PRKG1: variants seen among roughly 807,000 people sequenced by gnomAD.
PRKG1 encodes the protein protein kinase cGMP-dependent 1.
Under a neutral mutation model 88.1 loss-of-function variants are expected in PRKG1, and 35 were observed. The observed-to-expected ratio is 0.40, with a 90% CI of 0.30 to 0.53. PRKG1 has a LOEUF of 0.53. PRKG1 is among the 20% of genes least tolerant of loss of function. The pLI, the probability that PRKG1 is intolerant of heterozygous loss-of-function variation, is 0.59. For missense variants in PRKG1, 540 were observed against 839.8 expected (o/e 0.64, Z 4.41); for synonymous variants, 303 against 292.5 (o/e 1.04, Z -0.37).
intron 5 of PRKG1, among the ~76,000 whole-genome samples, chr10:51,959,405 A>T (rs1843391867): frequency 6.6e-6 from 1 of 152,160 alleles, no homozygotes; most frequent in East Asian, 1.9e-4. Flanking sequence ...GATAGTTCTA[A>T]TAATATTGAG....
intron 1 of PRKG1, among the ~76,000 whole-genome samples, chr10:51,137,178 C>T (rs919461249): frequency 6.6e-6 from 1 of 152,044 alleles, no homozygotes; most frequent in African/African-American, 2.4e-5. Context: ...AGTACCGCAC[C>T]CGGCCTAATT....
chr10:51,829,872 G>A (rs1839961283), intron 4 of PRKG1, among the ~76,000 whole-genome samples: 1 of 152,138 alleles, frequency 6.6e-6, no homozygotes, highest in Non-Finnish European at 1.5e-5. Flanking sequence ...TTCCAACAAG[G>A]CCAGGGGAAG....
intron 2 of PRKG1, among the ~76,000 whole-genome samples, chr10:51,187,926 A>G (rs1353479091): frequency 6.6e-6 from 1 of 152,064 alleles, no homozygotes; most frequent in African/African-American, 2.4e-5. Context: ...ATGAGACAAA[A>G]GTTACTCTGC....
chr10:52,250,044 TTGCCGCTAGCCCTTTCAA>T (rs1313124474), intron 9 of PRKG1, among the ~76,000 whole-genome samples: 17 of 152,300 alleles, frequency 1.1e-4, no homozygotes, highest in African/African-American at 4.1e-4. Flanking sequence ...GGAGTCAACT[TTGCCGCTAGCCCTTTCAA>T]TGGGATGGAG....
At chr10:51,064,806 T>C (rs1843730131) in intron 1 of PRKG1, among the ~76,000 whole-genome samples, 1 of 152,090 alleles carries the variant, frequency 6.6e-6, no homozygotes, top group Non-Finnish European at 1.5e-5. Flanking sequence ...TCCCAAAGGT[T>C]AGCACTTTCA....
chr10:51,790,125 A>G (rs985297965), intron 3 of PRKG1, among the ~76,000 whole-genome samples: 1 of 152,168 alleles, frequency 6.6e-6, no homozygotes, highest in Non-Finnish European at 1.5e-5. Flanking sequence ...ACCCAGCCTC[A>G]GTCATTCTTT....
At chr10:51,045,000 G>A (rs995814305) in intron 1 of PRKG1, among the ~76,000 whole-genome samples, 1 of 152,162 alleles carries the variant, frequency 6.6e-6, no homozygotes, top group Non-Finnish European at 1.5e-5. Context: ...TTTAGTGCAT[G>A]TATTTGGTAG....
intron 5 of PRKG1, among the ~76,000 whole-genome samples, chr10:52,039,026 T>C (rs1429623290): frequency 1.3e-5 from 2 of 152,150 alleles, no homozygotes; most frequent in African/African-American, 4.8e-5. Flanking sequence ...AGGTCGTAGG[T>C]GGATCTTTCT....
In PRKG1 at chr10:52,217,352, C is replaced by A. The variant is rs550241999; in HGVS notation, c.1077-34218C>A. ...CGTACACATTTATATATCTATCTAT[C>A]TATATATATATATACACATATACAC... On this transcript the variant is annotated intron_variant, in intron 9 of 17. Transcript: ENST00000373980. Among the ~76,000 whole-genome samples the A allele has an allele frequency of 1.4e-3, 206 of 150,034 alleles. 2 individuals are homozygous for A. Among genetic ancestry groups the A allele is most frequent in the African/African-American group, 4.8e-3 (194 of 40,750 alleles).
chr10:51,266,891 AT>A (rs1469195032), intron 2 of PRKG1, among the ~76,000 whole-genome samples: 2 of 152,004 alleles, frequency 1.3e-5, no homozygotes, highest in African/African-American at 4.8e-5. Flanking sequence ...TAGTTATAAC[AT>A]TTCTTATAGG....
upstream of PRKG1, among the ~76,000 whole-genome samples, chr10:51,070,876 G>A (rs920685881): frequency 3.3e-5 from 5 of 152,184 alleles, no homozygotes; most frequent in African/African-American, 1.2e-4. Flanking sequence ...AACAGGTTGT[G>A]AGTTGTTTCT....
At chr10:51,434,232 C>T (rs1365762865) in intron 2 of PRKG1, among the ~76,000 whole-genome samples, 2 of 152,128 alleles carry the variant, frequency 1.3e-5, no homozygotes, top group Admixed American at 1.3e-4. Context: ...GTATCACAGG[C>T]TGCAAGCAAC....
chr10:51,406,877 G>C (rs144802701), intron 2 of PRKG1, among the ~76,000 whole-genome samples: 1 of 152,258 alleles, frequency 6.6e-6, no homozygotes, highest in African/African-American at 2.4e-5. Flanking sequence ...TAACTCACAC[G>C]ATCAGAAGGT....
intron 9 of PRKG1, among the ~76,000 whole-genome samples, chr10:52,232,316 A>AAAAAAAC (rs1187753285): frequency 6.6e-6 from 1 of 152,064 alleles, no homozygotes; most frequent in Non-Finnish European, 1.5e-5. Flanking sequence ...GAAAACAAAC[A>AAAAAAAC]AAAAAACAAA....
Position 51,956,732 on chromosome 10 carries a change from C to T in PRKG1, c.762+49162C>T, listed in dbSNP as rs190735421. Among the ~76,000 whole-genome samples the T allele has an allele frequency of 3.4e-3, 519 of 150,916 alleles. 5 individuals carry two copies. Among genetic ancestry groups the T allele is most frequent in the African/African-American group, 0.012 (494 of 41,216 alleles). On this transcript the variant is annotated intron_variant, in intron 5 of 17. Coordinates refer to ENST00000373980, the MANE Select transcript of PRKG1 (RefSeq NM_006258.4). ...AAACTCCTCTCTCTCTTTTTTACAT[C>T]CACAAATAAATTTTAAGTTTCCCCA...
At chr10:51,227,107 T>C (rs961550439) in intron 2 of PRKG1, among the ~76,000 whole-genome samples, 6 of 151,184 alleles carry the variant, frequency 4.0e-5, no homozygotes, top group Admixed American at 2.0e-4. Flanking sequence ...TTAATAATTA[T>C]TCCTGTGTAA....
At chr10:51,337,754 A>T (rs972741413) in intron 2 of PRKG1, among the ~76,000 whole-genome samples, 23 of 152,146 alleles carry the variant, frequency 1.5e-4, no homozygotes, top group African/African-American at 5.3e-4. Context: ...GAAACAACAG[A>T]TGCTGGTGAG....
At chr10:51,698,427 G>T (rs1435126491) in intron 3 of PRKG1, 1 of 1,614,076 alleles carries the variant, frequency 6.2e-7, no homozygotes, top group Admixed American at 1.7e-5. Flanking sequence ...TGTGAGGAAG[G>T]GCCACGAGTG....
intron 4 of PRKG1, among the ~76,000 whole-genome samples, chr10:51,869,010 C>T (rs889924466): frequency 2.8e-4 from 43 of 152,092 alleles, no homozygotes; most frequent in Admixed American, 2.8e-3. Context: ...TTTTATTGCT[C>T]TATTTGTATT....
Sources: allele counts gnomAD v4.1 joint callset (sites outside exome capture counted in the v4.1 genomes callset), GRCh38; gene constraint gnomAD v4.1.1; transcripts MANE v1.5; gene names NCBI Gene and HGNC (gene_info 2026-07-23, HGNC 2026-07-21).